PCSK9: variants seen among roughly 807,000 people sequenced by gnomAD.
PCSK9 encodes the protein convertase subtilisin/kexin type 9 preproprotein.
In PCSK9, 57 loss-of-function variants were observed where a neutral mutation model predicts 62.1. The ratio of observed to expected loss-of-function variants is 0.92; its 90% CI spans 0.74 to 1.14. PCSK9 has a LOEUF of 1.14. PCSK9 is among the 50% of genes most tolerant of loss of function. The probability of loss-of-function intolerance (pLI) is 0.00; values close to 1 mark genes in which losing one functional copy is unlikely to be tolerated. For synonymous variants in PCSK9, 387 were observed against 409.4 expected (o/e 0.95, Z 0.66); for missense variants, 870 against 959.8 (o/e 0.91, Z 1.24).
chr1:55,058,410 G>A (rs1334443455), intron 8 of PCSK9, 89 bp from the exon 9 acceptor site: 9 of 1,586,476 alleles, frequency 5.7e-6, no homozygotes, highest in African/African-American at 2.7e-5. Context: ...TGTTCTTTAA[G>A]CCCTCCTCTC....
intron 10 of PCSK9, 81 bp from the exon 11 acceptor site, chr1:55,061,290 TAAAG>T (rs1488861934): frequency 2.8e-6 from 4 of 1,440,068 alleles, no homozygotes; most frequent in Non-Finnish European, 2.8e-6. Flanking sequence ...CCTCAGACCT[TAAAG>T]AGAGAGGGTC....
At chr1:55,053,673 C>G (rs1163066203) in intron 5 of PCSK9, among the ~76,000 whole-genome samples, 1 of 152,220 alleles carries the variant, frequency 6.6e-6, no homozygotes, top group African/African-American at 2.4e-5. Flanking sequence ...CTGTGCTCCA[C>G]CAGTTCTGCC....
chr1:55,058,924 G>C (rs1484010835), intron 9 of PCSK9, among the ~76,000 whole-genome samples: 3 of 152,214 alleles, frequency 2.0e-5, no homozygotes, highest in African/African-American at 4.8e-5. Flanking sequence ...ACCTGGGTGT[G>C]AGCGTGCGGC....
At chr1:55,042,313 A>G (rs759590927) in intron 1 of PCSK9, among the ~76,000 whole-genome samples, 1 of 152,126 alleles carries the variant, frequency 6.6e-6, no homozygotes, top group Non-Finnish European at 1.5e-5. Flanking sequence ...CGAAAACCAA[A>G]AGTTTTTTTT....
At chr1:55,054,112 G>C (rs549990561) in intron 5 of PCSK9, among the ~76,000 whole-genome samples, 1 of 152,172 alleles carries the variant, frequency 6.6e-6, no homozygotes, top group Admixed American at 6.5e-5. Flanking sequence ...GGCTGGGCGC[G>C]GTGGCTCATG....
chr1:55,052,518 C>G, intron 4 of PCSK9, 107 bp downstream of exon 4: 1 of 196,018 alleles, frequency 5.1e-6, no homozygotes, highest in Non-Finnish European at 9.2e-6. Flanking sequence ...CTGGGTTGCA[C>G]CCCCCCCAGC....
chr1:55,039,755 G>A lies in PCSK9; in HGVS notation c.-83G>A. 2.0e-6 allele frequency: 3 copies of A among 1,494,100 alleles called. No individual in the cohort carries two copies. Among genetic ancestry groups the A allele is most frequent in the South Asian group, 1.2e-5 (1 of 83,000 alleles). 92.6% of individuals were successfully genotyped at this position (1,494,100 alleles called of 1,614,324 possible). A position where few individuals can be genotyped will look rare whatever the true frequency, so the allele number is the denominator to read the frequency against. On this transcript the variant is annotated 5_prime_UTR_variant, in exon 1 of 12. Coordinates refer to ENST00000302118, the MANE Select transcript of PCSK9 (RefSeq NM_174936.4). ...CAGCTCCTGCACAGTCCTCCCCACCGCAAGGCTCAAGGCGCCGCCGGCGTG... is the reference window on the plus strand; with the variant it reads ...CAGCTCCTGCACAGTCCTCCCCACCACAAGGCTCAAGGCGCCGCCGGCGTG...
intron 3 of PCSK9, among the ~76,000 whole-genome samples, chr1:55,047,630 T>C (rs951350215): frequency 8.5e-5 from 13 of 152,164 alleles, no homozygotes; most frequent in Non-Finnish European, 1.3e-4. Flanking sequence ...CTGTGTGACT[T>C]TGCATACACC....
chr1:55,047,137 G>T (rs1234534408), intron 3 of PCSK9, among the ~76,000 whole-genome samples: 1 of 152,180 alleles, frequency 6.6e-6, no homozygotes, highest in African/African-American at 2.4e-5. Context: ...GGGCCACTTT[G>T]TGTCTTCCCT....
At chr1:55,056,932 GT>G (rs1234823996) in intron 6 of PCSK9, among the ~76,000 whole-genome samples, 2 of 13,146 alleles carry the variant, frequency 1.5e-4, no homozygotes, top group Non-Finnish European at 3.9e-3. Context: ...GGTAACCTAG[GT>G]CCCCCCTGGC....
At chr1:55,041,603 G>A (rs1261794166) in intron 1 of PCSK9, among the ~76,000 whole-genome samples, 2 of 152,020 alleles carry the variant, frequency 1.3e-5, no homozygotes, top group African/African-American at 4.8e-5. Flanking sequence ...TTATTTTGTG[G>A]GAATCGAATT....
chr1:55,061,517 CAA>C lies in PCSK9; in HGVS notation c.1826_1827del (p.Lys609SerfsTer101), dbSNP rs1644758808. On this transcript the variant is annotated frameshift_variant, in exon 11 of 12. Transcript: ENST00000302118. LOFTEE classifies it low-confidence loss of function (END_TRUNC). ...SCCHAPGLECKVKEHGIPAPQ... is the reference protein window; with the variant it reads ...SCCHAPGLECXVKEHGIPAPQ... ...GCTGCCATGCCCCAGGTCTGGAATG[CAA>C]AGTCAAGGAGCATGGAATCCCGGCC... is the stretch of plus-strand genomic sequence containing the variant. 1.2e-6 allele frequency: 2 copies of C among 1,604,360 alleles called. No homozygotes were observed. The highest frequency in any genetic ancestry group is 1.7e-5 in the Admixed American group (1 of 58,730).
At position 55,040,469 on chromosome 1, in the gene PCSK9, G is replaced by C. The variant is rs1332716038; in HGVS notation, c.207+425G>C. Among the ~76,000 whole-genome samples the C allele has an allele frequency of 6.6e-6, 1 of 152,178 alleles. No homozygotes were observed. The highest frequency in any genetic ancestry group is 1.5e-5 in the Non-Finnish European group (1 of 68,032). On this transcript the variant is annotated intron_variant, in intron 1 of 11. Coordinates refer to ENST00000302118, the MANE Select transcript of PCSK9 (RefSeq NM_174936.4). The surrounding 1 kb of genome is among the most constrained non-coding windows in gnomAD (Gnocchi z 4.1). ...CACCAGGCACAGAGAAAGCGGGCTT[G>C]CCATTATAGTGGGTTCCGATTTGGT...
chr1:55,055,757 G>C (rs1644709441), intron 5 of PCSK9, among the ~76,000 whole-genome samples: 1 of 152,186 alleles, frequency 6.6e-6, no homozygotes, highest in South Asian at 2.1e-4. Context: ...GCCTTCAACT[G>C]ATTAAATGAG....
At position 55,044,019 on chromosome 1, in the gene PCSK9, C is replaced by A. The variant is rs72646503; in HGVS notation, c.384C>A (p.Gly128=). 4 of 1,614,198 alleles carry A rather than the reference C, an allele frequency of 2.5e-6. No individual in the cohort carries two copies. In the South Asian group the frequency reaches 4.4e-5, roughly 18 times the overall value. ...LLPGFLVKMS[G]DLLELALKLP... ...CTGGCTTCCTGGTGAAGATGAGTGGCGACCTGCTGGAGCTGGTGAGCCACC... is the reference window on the plus strand; with the variant it reads ...CTGGCTTCCTGGTGAAGATGAGTGGAGACCTGCTGGAGCTGGTGAGCCACC... The change falls in exon 2 of 12, where the codon GGC becomes GGA. Residue 128 remains glycine, a synonymous_variant. Coordinates refer to ENST00000302118, the MANE Select transcript of PCSK9 (RefSeq NM_174936.4).
Position 55,043,991 on chromosome 1 carries a change from T to C in PCSK9, c.356T>C (p.Leu119Pro), listed in dbSNP as rs1441639847. The part of the protein sequence containing the change: ...TKILHVFHGL[L>P]PGFLVKMSGD... ...ATCCTGCATGTCTTCCATGGCCTTCTTCCTGGCTTCCTGGTGAAGATGAGT... is the reference window on the plus strand; with the variant it reads ...ATCCTGCATGTCTTCCATGGCCTTCCTCCTGGCTTCCTGGTGAAGATGAGT... The change falls in exon 2 of 12, where the codon CTT becomes CCT. Residue 119 changes from leucine to proline, a missense_variant. By Grantham distance (98) the Leu-to-Pro change is moderately conservative (BLOSUM62 -3). Transcript: ENST00000302118. 3.1e-6 allele frequency: 5 copies of C among 1,614,112 alleles called. No homozygotes were observed. The African/African-American group carries it at 5.3e-5, about 17-fold the overall frequency.
In PCSK9 at chr1:55,044,046, T is replaced by G; in HGVS notation, c.399+12T>G. ...ACCTGCTGGAGCTGGTGAGCCACCC[T>G]TTTTGGGAATGGCACTTCCTGATAG... On this transcript the variant is annotated intron_variant, in intron 2 of 11. Coordinates refer to ENST00000302118, the MANE Select transcript of PCSK9 (RefSeq NM_174936.4). The G allele has an allele frequency of 3.7e-6, 6 of 1,613,914 alleles. No homozygotes were observed. Among genetic ancestry groups the G allele is most frequent in the Non-Finnish European group, 5.1e-6 (6 of 1,179,882 alleles).
chr1:55,040,635 C>T lies in PCSK9; in HGVS notation c.207+591C>T, dbSNP rs993334414. Among the ~76,000 whole-genome samples the T allele has an allele frequency of 1.3e-5, 2 of 152,180 alleles. No individual in the cohort carries two copies. The highest frequency in any genetic ancestry group is 4.8e-5 in the African/African-American group (2 of 41,430). ...CAGAACTCATGCTCTAGTATTCCATCTGTTTCAGCCGAAGAAAAGAACCAG... is the reference window on the plus strand; with the variant it reads ...CAGAACTCATGCTCTAGTATTCCATTTGTTTCAGCCGAAGAAAAGAACCAG... On this transcript the variant is annotated intron_variant, in intron 1 of 11. Coordinates refer to ENST00000302118, the MANE Select transcript of PCSK9 (RefSeq NM_174936.4). The surrounding 1 kb of genome is among the most constrained non-coding windows in gnomAD (Gnocchi z 4.1).
chr1:55,047,463 T>C (rs1179656996), intron 3 of PCSK9, among the ~76,000 whole-genome samples: 1 of 152,172 alleles, frequency 6.6e-6, no homozygotes, highest in African/African-American at 2.4e-5. Context: ...CCGGTTCTCG[T>C]GGGATCTTGG....
Sources: allele counts gnomAD v4.1 joint callset (sites outside exome capture counted in the v4.1 genomes callset), GRCh38; gene constraint gnomAD v4.1.1; non-coding constraint Gnocchi (gnomAD v3.1); transcripts MANE v1.5; gene names NCBI Gene and HGNC (gene_info 2026-07-23, HGNC 2026-07-21).